SPRYD7: variants seen among roughly 807,000 people sequenced by gnomAD.
SPRYD7 encodes the protein SPRY domain-containing protein 7.
A neutral mutation model predicts 23.8 loss-of-function variants in SPRYD7; 14 were observed. The ratio of observed to expected loss-of-function variants is 0.59; its 90% CI spans 0.39 to 0.92. The LOEUF is 0.92. Among genes scored for constraint, SPRYD7 ranks in the 40% least tolerant of loss-of-function variants. The pLI is 0.00. For missense variants in SPRYD7, 194 were observed against 241.7 expected (o/e 0.80, Z 1.31); for synonymous variants, 75 against 84.9 (o/e 0.88, Z 0.64).
At chr13:49,934,479 C>T (rs530085220) in intron 1 of SPRYD7, among the ~76,000 whole-genome samples, 8 of 142,648 alleles carry the variant, frequency 5.6e-5, no homozygotes, top group African/African-American at 1.6e-4. Context: ...TGCTTGAACC[C>T]GGGAGGCGGA....
chr13:49,933,925 T>C (rs569514532), intron 1 of SPRYD7, among the ~76,000 whole-genome samples: 176 of 152,218 alleles, frequency 1.2e-3, no homozygotes, highest in African/African-American at 4.1e-3. Context: ...TCAATGATAA[T>C]ACTTACAAAA....
At chr13:49,923,761 A>G (rs12585966) in intron 3 of SPRYD7, among the ~76,000 whole-genome samples, 1 of 150,594 alleles carries the variant, frequency 6.6e-6, no homozygotes, top group Non-Finnish European at 1.5e-5. Context: ...CCCGAAGTGC[A>G]GGGATTACAG....
At chr13:49,915,439 T>C (rs1174025482) in intron 4 of SPRYD7, among the ~76,000 whole-genome samples, 1 of 152,114 alleles carries the variant, frequency 6.6e-6, no homozygotes, top group East Asian at 1.9e-4. Flanking sequence ...AATTTTTTTC[T>C]TATTTGCTTA....
intron 4 of SPRYD7, among the ~76,000 whole-genome samples, chr13:49,918,403 C>CTTTTTTTTTTTTTTTTTTTTTT (rs11436488): frequency 2.1e-5 from 3 of 143,052 alleles, no homozygotes; most frequent in Admixed American, 7.1e-5. Context: ...TAAATTAGTT[C>CTTTTTTTTTTTTTTTTTTTTTT]TTTTTTTTTT....
intron 1 of SPRYD7, among the ~76,000 whole-genome samples, chr13:49,934,226 T>C (rs989304971): frequency 2.6e-5 from 4 of 152,034 alleles, no homozygotes; most frequent in Admixed American, 6.6e-5. Flanking sequence ...GGCTCCTCTG[T>C]GATTGAATAA....
At chr13:49,925,916 T>A (rs998625918) in intron 3 of SPRYD7, among the ~76,000 whole-genome samples, 1 of 152,166 alleles carries the variant, frequency 6.6e-6, no homozygotes, top group Non-Finnish European at 1.5e-5. Flanking sequence ...CATATGAATA[T>A]AATCATATAA....
chr13:49,922,734 T>C (rs1282190563), intron 3 of SPRYD7, among the ~76,000 whole-genome samples: 4 of 152,152 alleles, frequency 2.6e-5, no homozygotes, highest in African/African-American at 9.7e-5. Flanking sequence ...GAAGTCATCA[T>C]AGACCAAGAA....
At chr13:49,933,857 CT>C (rs1421496722) in intron 1 of SPRYD7, among the ~76,000 whole-genome samples, 1 of 152,014 alleles carries the variant, frequency 6.6e-6, no homozygotes, top group Non-Finnish European at 1.5e-5. Context: ...AAGTAGCTGC[CT>C]TGGAAGTCAT....
In SPRYD7 at chr13:49,915,048, TA is replaced by T; in HGVS notation, c.*14del. The T allele has an allele frequency of 6.8e-7, 1 of 1,477,868 alleles. No homozygotes were observed. The highest frequency in any genetic ancestry group is 9.3e-7 in the Non-Finnish European group (1 of 1,080,174). The allele number at this position is 1,477,868 out of a possible 1,614,324, so 91.5% of individuals were successfully genotyped here. A position where few individuals can be genotyped will look rare whatever the true frequency, so the allele number is the denominator to read the frequency against. ...TTTAACAGTGCAGAAATACAAGTTT[TA>T]AAAACAAATACATTCAGAAGATTTG... is the stretch of plus-strand genomic sequence containing the variant. On this transcript the variant is annotated 3_prime_UTR_variant, in exon 5 of 5. Coordinates refer to ENST00000361840, the MANE Select transcript of SPRYD7 (RefSeq NM_020456.4).
intron 1 of SPRYD7, among the ~76,000 whole-genome samples, chr13:49,932,279 A>T (rs1036431495): frequency 4.6e-5 from 7 of 152,240 alleles, no homozygotes; most frequent in Admixed American, 4.6e-4. Flanking sequence ...CCTGACAGTG[A>T]CAAACTGCTA....
intron 3 of SPRYD7, among the ~76,000 whole-genome samples, chr13:49,927,557 T>G (rs1277643067): frequency 1.3e-5 from 2 of 152,030 alleles, no homozygotes; most frequent in African/African-American, 2.4e-5. Flanking sequence ...TATCCAGCCT[T>G]AAAAATAACT....
rs544071556 is a variant in SPRYD7, at chr13:49,912,924, T to C, written c.*2139A>G. 2.3e-4 allele frequency: 35 copies of C among 152,174 alleles called. No homozygotes were observed. The highest frequency in any genetic ancestry group is 8.4e-4 in the African/African-American group (35 of 41,554). The allele number at this position is 152,174 out of a possible 1,614,324, so 9.4% of individuals were successfully genotyped here. ...ACATTTTTGTCTGCAGAATAAACAATAAAAAAGGATTTTGCAGGATTCTCT... is the reference window on the plus strand; with the variant it reads ...ACATTTTTGTCTGCAGAATAAACAACAAAAAAGGATTTTGCAGGATTCTCT... On this transcript the variant is annotated 3_prime_UTR_variant, in exon 5 of 5. Coordinates refer to ENST00000361840, the MANE Select transcript of SPRYD7 (RefSeq NM_020456.4).
chr13:49,920,812 G>A (rs1955809529), intron 4 of SPRYD7, among the ~76,000 whole-genome samples: 1 of 151,822 alleles, frequency 6.6e-6, no homozygotes, highest in South Asian at 2.1e-4. Flanking sequence ...AATACAAAAA[G>A]TAGCCAGGCG....
chr13:49,916,951 G>GT (rs948327893), intron 4 of SPRYD7, among the ~76,000 whole-genome samples: 5 of 152,098 alleles, frequency 3.3e-5, no homozygotes, highest in East Asian at 3.9e-4. Context: ...GTGATTGCCT[G>GT]TTTTTTTTGT....
At chr13:49,919,879 C>G (rs1387910522) in intron 4 of SPRYD7, among the ~76,000 whole-genome samples, 3 of 149,860 alleles carry the variant, frequency 2.0e-5, no homozygotes, top group African/African-American at 7.4e-5. Context: ...TTATATATTA[C>G]CTGGCATTTG....
At position 49,936,289 on chromosome 13, in the gene SPRYD7, C is replaced by T; in HGVS notation, c.-54G>A. 1.5e-6 allele frequency: 2 copies of T among 1,346,174 alleles called. No homozygotes were observed. Among genetic ancestry groups the T allele is most frequent in the Admixed American group, 2.0e-5 (1 of 49,138 alleles). 83.4% of individuals were successfully genotyped at this position (1,346,174 alleles called of 1,614,324 possible). A position where few individuals can be genotyped will look rare whatever the true frequency, so the allele number is the denominator to read the frequency against. On this transcript the variant is annotated 5_prime_UTR_variant, in exon 1 of 5. Coordinates refer to ENST00000361840, the MANE Select transcript of SPRYD7 (RefSeq NM_020456.4). ...TCCCTAGACCGAGGCGACACTGCCC[C>T]CCGCCGCTCAGCTCCGTCTCCTGCC...
chr13:49,915,766 T>G lies in SPRYD7; in HGVS notation c.494-606A>C, dbSNP rs946539257. Among the ~76,000 whole-genome samples the G allele has an allele frequency of 4.8e-4, 73 of 152,210 alleles. 1 individual carries two copies. The highest frequency in any genetic ancestry group is 1.8e-3 in the African/African-American group (73 of 41,448). ...CAAACGTTCACAATAGCTTTATTTG[T>G]AATAGTCCCACACTGGAAACAACCC... On this transcript the variant is annotated intron_variant, in intron 4 of 4. Coordinates refer to ENST00000361840, the MANE Select transcript of SPRYD7 (RefSeq NM_020456.4).
Position 49,925,026 on chromosome 13 carries a change from A to C in SPRYD7, c.390+2893T>G, listed in dbSNP as rs890730425. Among the ~76,000 whole-genome samples, 4 of 145,034 alleles carry C rather than the reference A, an allele frequency of 2.8e-5. No homozygotes were observed. The Admixed American group carries it at 2.8e-4, about 10-fold the overall frequency. On this transcript the variant is annotated intron_variant, in intron 3 of 4. Transcript: ENST00000361840. ...AATAATAATAATAATAATAATAATA[A>C]TACCTATTTCAAAGGGCCATTATGA...
chr13:49,916,814 T>G (rs998101343), intron 4 of SPRYD7, among the ~76,000 whole-genome samples: 2 of 152,102 alleles, frequency 1.3e-5, no homozygotes, highest in Non-Finnish European at 2.9e-5. Context: ...AAAGTGACGT[T>G]CCAGATTTGG....
Sources: allele counts gnomAD v4.1 joint callset (sites outside exome capture counted in the v4.1 genomes callset), GRCh38; gene constraint gnomAD v4.1.1; transcripts MANE v1.5; gene names NCBI Gene and HGNC (gene_info 2026-07-23, HGNC 2026-07-21).